The following SYNJ1 variants were observed in gnomAD, a reference collection of about 807,000 sequenced individuals.
The protein encoded by SYNJ1 is polyphosphatidylinositol phosphatase SYNJ1.
SYNJ1 carries 78 observed loss-of-function variants against 168.2 expected under a neutral mutation model. That is an observed-to-expected ratio of 0.46 (90% CI 0.39 to 0.56). SYNJ1 has a LOEUF of 0.56. Ranked by LOEUF, SYNJ1 falls within the 20% of genes least tolerant of loss-of-function variation. The pLI is 0.00. For synonymous variants in SYNJ1, 539 were observed against 548.6 expected, an observed-to-expected ratio of 0.98 and a Z score of 0.24; for missense variants, 1,303 against 1,597.6, an observed-to-expected ratio of 0.82 and a Z score of 3.14.
At chr21:32,674,277 C>G (rs539509629) in intron 13 of SYNJ1, among the ~76,000 whole-genome samples, 7 of 152,332 alleles carry the variant, frequency 4.6e-5, no homozygotes, top group African/African-American at 1.7e-4. Flanking sequence ...GTGCCCACAG[C>G]CTGCAACACT....
chr21:32,641,990 A>G (rs753442115), intron 28 of SYNJ1, 24 bp from the exon 29 acceptor site: 177 of 1,612,836 alleles, frequency 1.1e-4, no homozygotes, highest in Non-Finnish European at 1.4e-4. Flanking sequence ...ATCATATCAT[A>G]TATTTAAGTT....
chr21:32,678,761 T>C lies in SYNJ1; in HGVS notation c.1394A>G (p.Asn465Ser), dbSNP rs2041510942. Residue 465 changes from asparagine to serine, a missense_variant, in exon 12 of 33, where the codon AAT becomes AGT. Coordinates refer to ENST00000674351, the MANE Select transcript of SYNJ1 (RefSeq NM_203446.3). ...GARSVTRTIQ[N>S]NFFDSSKQEA... ...TTGCTTGGAGCTGTCAAAGAAGTTA[T>C]TCTGAATTGTTCGGGTAACAGAGCG... The C allele has an allele frequency of 1.9e-6, 3 of 1,613,166 alleles. No individual in the cohort carries two copies. The highest frequency in any genetic ancestry group is 2.5e-6 in the Non-Finnish European group (3 of 1,179,706).
intron 21 of SYNJ1, among the ~76,000 whole-genome samples, chr21:32,656,269 AAAAAC>A (rs916645799): frequency 2.0e-5 from 3 of 152,240 alleles, no homozygotes; most frequent in South Asian, 2.1e-4. Flanking sequence ...CTGCCTCTAC[AAAAAC>A]AAAACAAAAC....
intron 27 of SYNJ1, 58 bp from the exon 28 acceptor site, chr21:32,642,191 C>T: frequency 6.3e-7 from 1 of 1,592,768 alleles, no homozygotes; most frequent in Non-Finnish European, 8.6e-7. Context: ...AGCAATATTG[C>T]ATAACATCAG....
chr21:32,655,536 T>C (rs1459044825), intron 21 of SYNJ1, among the ~76,000 whole-genome samples: 3 of 152,204 alleles, frequency 2.0e-5, no homozygotes, highest in African/African-American at 7.2e-5. Flanking sequence ...GTAGAAGCCA[T>C]ACCATCTTAA....
intron 2 of SYNJ1, among the ~76,000 whole-genome samples, chr21:32,708,325 T>C (rs2042690258): frequency 6.6e-6 from 1 of 152,236 alleles, no homozygotes; most frequent in Non-Finnish European, 1.5e-5. Context: ...ACTTTCCTGC[T>C]AGTGCAGTCT....
chr21:32,695,425 G>C (rs564951327), intron 4 of SYNJ1, 143 bp from the exon 5 acceptor site: 2 of 797,014 alleles, frequency 2.5e-6, no homozygotes, highest in Admixed American at 3.0e-5. Flanking sequence ...CATTTACTAT[G>C]CTAGGGATCA....
intron 2 of SYNJ1, among the ~76,000 whole-genome samples, chr21:32,707,850 C>T (rs1307526648): frequency 6.6e-6 from 1 of 152,150 alleles, no homozygotes; most frequent in African/African-American, 2.4e-5. Flanking sequence ...AACCCCGTCT[C>T]TATTAAAAAT....
At chr21:32,669,721 T>G (rs373601879) in intron 15 of SYNJ1, among the ~76,000 whole-genome samples, 42 of 152,286 alleles carry the variant, frequency 2.8e-4, no homozygotes, top group African/African-American at 9.9e-4. Context: ...GAGAATAAAT[T>G]ATCTGTTTTG....
intron 32 of SYNJ1, among the ~76,000 whole-genome samples, chr21:32,633,928 T>C (rs1345966086): frequency 6.6e-6 from 1 of 152,216 alleles, no homozygotes; most frequent in East Asian, 1.9e-4. Context: ...TAGACCTATA[T>C]GTGGAAATGT....
intron 32 of SYNJ1, among the ~76,000 whole-genome samples, chr21:32,633,012 C>T (rs530478041): frequency 4.5e-4 from 68 of 151,970 alleles, no homozygotes; most frequent in Non-Finnish European, 3.8e-4. Context: ...AGCAAAACTC[C>T]GCCTCAAAAA....
intron 1 of SYNJ1, 164 bp from the exon 2 acceptor site, chr21:32,727,081 G>T: frequency 1.1e-6 from 1 of 907,642 alleles, no homozygotes; most frequent in Non-Finnish European, 1.6e-6. Flanking sequence ...AAGATAAGTC[G>T]TCACTTAATT....
chr21:32,666,749 C>G (rs746736414), intron 15 of SYNJ1, among the ~76,000 whole-genome samples, 176 bp from the exon 16 acceptor site: 1 of 152,146 alleles, frequency 6.6e-6, no homozygotes, highest in Non-Finnish European at 1.5e-5. Flanking sequence ...AAGAAAACCA[C>G]ATTTCAAAAT....
chr21:32,657,490 C>T (rs1292307245), intron 19 of SYNJ1, among the ~76,000 whole-genome samples: 2 of 152,128 alleles, frequency 1.3e-5, no homozygotes, highest in Non-Finnish European at 2.9e-5. Context: ...AAAATATTTC[C>T]TTGCTTCTCT....
At chr21:32,688,500 G>T in intron 6 of SYNJ1, 133 bp from the exon 7 acceptor site, 2 of 695,058 alleles carry the variant, frequency 2.9e-6, no homozygotes, top group Non-Finnish European at 4.4e-6. Context: ...TTCCATTCAT[G>T]ATATGCTTTT....
chr21:32,667,878 TA>T (rs1158683111), intron 15 of SYNJ1, among the ~76,000 whole-genome samples: 1 of 152,160 alleles, frequency 6.6e-6, no homozygotes, highest in Non-Finnish European at 1.5e-5. Flanking sequence ...TTCTTCCCAC[TA>T]GAATACGAAG....
intron 9 of SYNJ1, among the ~76,000 whole-genome samples, chr21:32,685,311 G>A (rs150693606): frequency 0.011 from 1,729 of 151,772 alleles, 31 homozygotes; most frequent in African/African-American, 0.038. Flanking sequence ...TATAGGATGG[G>A]TGAGATGGCT....
chr21:32,641,691 T>C (rs538646510), intron 29 of SYNJ1, among the ~76,000 whole-genome samples: 18 of 152,224 alleles, frequency 1.2e-4, no homozygotes, highest in Non-Finnish European at 2.5e-4. Flanking sequence ...ATCACTTTTA[T>C]CCAAATAATG....
chr21:32,711,046 A>G (rs1339921888), intron 2 of SYNJ1, among the ~76,000 whole-genome samples: 1 of 152,206 alleles, frequency 6.6e-6, no homozygotes, highest in Non-Finnish European at 1.5e-5. Context: ...CCTACAACTT[A>G]ATTCAGATAA....
Sources: allele counts gnomAD v4.1 joint callset (sites outside exome capture counted in the v4.1 genomes callset), GRCh38; gene constraint gnomAD v4.1.1; transcripts MANE v1.5; gene names NCBI Gene and HGNC (gene_info 2026-07-23, HGNC 2026-07-21).